The following ZNF608 variants were observed in gnomAD, a reference collection of about 807,000 sequenced individuals.
ZNF608 encodes the protein renal carcinoma antigen NY-REN-36.
Under a neutral mutation model 109.0 loss-of-function variants are expected in ZNF608, and 12 were observed. That is an observed-to-expected ratio of 0.11 (90% CI 0.07 to 0.18). The LOEUF (loss-of-function observed/expected upper bound fraction) is 0.18, where lower values mean the gene tolerates loss of function less well. Among genes scored for constraint, ZNF608 ranks in the 10% least tolerant of loss-of-function variants. ZNF608 has a pLI of 1.00. For missense variants in ZNF608, 1,707 were observed against 1,879.3 expected, an observed-to-expected ratio of 0.91 and a Z score of 1.70; for synonymous variants, 732 against 717.4, an observed-to-expected ratio of 1.02 and a Z score of -0.33.
chr5:124,661,355 A>G (rs7731056), intron 3 of ZNF608, among the ~76,000 whole-genome samples: 103,388 of 151,944 alleles, frequency 0.68, 35,702 homozygotes, highest in African/African-American at 0.79. Context: ...GCAGATGGAC[A>G]GAGCAGGTTA....
chr5:124,706,028 T>C (rs1753245637), intron 2 of ZNF608, among the ~76,000 whole-genome samples: 1 of 152,222 alleles, frequency 6.6e-6, no homozygotes, highest in African/African-American at 2.4e-5. Context: ...TGGGCAAGAC[T>C]GTGACACTGG....
chr5:124,672,841 G>A (rs968637465), intron 3 of ZNF608, among the ~76,000 whole-genome samples: 2 of 152,194 alleles, frequency 1.3e-5, no homozygotes, highest in Non-Finnish European at 2.9e-5. Flanking sequence ...TTCAGAGGAA[G>A]TCCAGAGAAA....
rs764846523 is a variant in ZNF608, at chr5:124,744,794, C to T, written c.196G>A (p.Gly66Arg). The change falls in exon 2 of 10, where the codon GGA becomes AGA. Residue 66 changes from glycine (G) to arginine (R), a missense_variant. Physicochemically the swap from Gly to Arg is moderately radical, Grantham distance 125. Around this residue, in one of 7 missense-constraint regions of ZNF608, gnomAD observed 407 missense variants for 398.7 expected, o/e 1.02. Coordinates refer to ENST00000513986, the MANE Select transcript of ZNF608 (RefSeq NM_020747.3). The surrounding 1 kb of genome is among the most constrained non-coding windows in gnomAD (Gnocchi z 4.5). ...TTSSSNSKDC[G>R]GPASSGAGAT... ...CCAGCCCCACTGGAGGCCGGACCTC[C>T]ACAATCCTTGGAGTTGCTGCTACTA... is the stretch of plus-strand genomic sequence containing the variant. 8 of 1,614,122 alleles carry T rather than the reference C, an allele frequency of 5.0e-6. No individual in the cohort carries two copies. The highest frequency in any genetic ancestry group is 6.8e-6 in the Non-Finnish European group (8 of 1,180,052).
chr5:124,705,692 T>G (rs75186199), intron 2 of ZNF608, among the ~76,000 whole-genome samples: 4,149 of 152,280 alleles, frequency 0.027, 157 homozygotes, highest in African/African-American at 0.088. Context: ...AAGCTCAGCC[T>G]GGGGAAATAC....
Position 124,697,838 on chromosome 5 carries a change from C to T in ZNF608, c.1162+3176G>A, listed in dbSNP as rs149698044. Among the ~76,000 whole-genome samples the T allele has an allele frequency of 3.9e-5, 6 of 152,256 alleles. No individual in the cohort carries two copies. In the East Asian group the frequency reaches 9.6e-4, roughly 24 times the overall value. On this transcript the variant is annotated intron_variant, in intron 3 of 9. Coordinates refer to ENST00000513986, the MANE Select transcript of ZNF608 (RefSeq NM_020747.3). ...ATAAATCACAGTAATATTCAATATTCCCCCCAAAGAGTGCAGGCATGAACT... is the reference window on the plus strand; with the variant it reads ...ATAAATCACAGTAATATTCAATATTTCCCCCAAAGAGTGCAGGCATGAACT...
At position 124,639,111 on chromosome 5, in the gene ZNF608, T is replaced by G. The variant is rs200792204; in HGVS notation, c.4532+22A>C. On this transcript the variant is annotated intron_variant, in intron 9 of 9. Transcript: ENST00000513986. ...TAAGATATTTCTATCTACAACTAAT[T>G]AAAAATGTAGAGGATATTTACCTTC... 10 of 1,608,254 alleles carry G rather than the reference T, an allele frequency of 6.2e-6. 1 individual carries two copies. In the South Asian group the frequency reaches 8.8e-5, roughly 14 times the overall value.
chr5:124,669,548 T>A (rs899153329), intron 3 of ZNF608, among the ~76,000 whole-genome samples: 2 of 152,202 alleles, frequency 1.3e-5, no homozygotes, highest in Non-Finnish European at 2.9e-5. Context: ...CACTAGCTTA[T>A]TCCAAATGTT....
rs1580684530 is a variant in ZNF608 at position 124,716,117 on chromosome 5, T to G, written c.907-14848A>C. On this transcript the variant is annotated intron_variant, in intron 2 of 9. Transcript: ENST00000513986. Reference sequence around the variant, plus strand: ...GAGATCGCGCCACTGCACTCCAGCCTGGGCGACAGAGCGAGAATCCGTCTC... The same window carrying G: ...GAGATCGCGCCACTGCACTCCAGCCGGGGCGACAGAGCGAGAATCCGTCTC... Among the ~76,000 whole-genome samples the G allele has an allele frequency of 3.2e-5, 4 of 123,318 alleles. No individual in the cohort carries two copies. The South Asian group carries it at 1.0e-3, about 32-fold the overall frequency. The allele number at this position is 123,318 out of a possible 152,430, so 80.9% of individuals were successfully genotyped here. A position where few individuals can be genotyped will look rare whatever the true frequency, so the allele number is the denominator to read the frequency against.
chr5:124,745,091 A>G lies in ZNF608; in HGVS notation c.-102T>C, dbSNP rs1749590043. The G allele has an allele frequency of 1.4e-6, 2 of 1,464,282 alleles. No individual in the cohort carries two copies. Among genetic ancestry groups the G allele is most frequent in the African/African-American group, 2.9e-5 (2 of 70,012 alleles). The allele number at this position is 1,464,282 out of a possible 1,614,324, so 90.7% of individuals were successfully genotyped here. ...TGGGCTTTCTCTCAAAGAAAAAAAA[A>G]ATCTTCTAATCTTCCTCTTCTTTTT... On this transcript the variant is annotated 5_prime_UTR_variant, in exon 2 of 10. Coordinates refer to ENST00000513986, the MANE Select transcript of ZNF608 (RefSeq NM_020747.3).
Position 124,644,667 on chromosome 5 carries a change from T to A in ZNF608, c.3706-6A>T. ...CATGTTCTTGAATCTGGGTCCTGAT[T>A]TTTTTGTTTTAAAGAAAAAAAACCC... On this transcript the variant is annotated splice_polypyrimidine_tract_variant and splice_region_variant and intron_variant, in intron 5 of 9. Transcript: ENST00000513986. 6.5e-7 allele frequency: 1 copy of A among 1,528,722 alleles called. No homozygotes were observed. Among genetic ancestry groups the A allele is most frequent in the Non-Finnish European group, 8.8e-7 (1 of 1,140,836 alleles). 94.7% of individuals were successfully genotyped at this position (1,528,722 alleles called of 1,614,324 possible). A position where few individuals can be genotyped will look rare whatever the true frequency, so the allele number is the denominator to read the frequency against.
chr5:124,674,134 A>C (rs1751840991), intron 3 of ZNF608, among the ~76,000 whole-genome samples: 2 of 152,218 alleles, frequency 1.3e-5, no homozygotes, highest in African/African-American at 4.8e-5. Context: ...ATTCTCCTGT[A>C]GATTCTGGTG....
intron 3 of ZNF608, among the ~76,000 whole-genome samples, chr5:124,693,085 G>C (rs1752684246): frequency 2.0e-5 from 3 of 152,108 alleles, no homozygotes; most frequent in African/African-American, 7.2e-5. Flanking sequence ...CGGTGATGGT[G>C]GTACACCTCT....
intron 2 of ZNF608, among the ~76,000 whole-genome samples, chr5:124,726,195 C>G (rs918803855): frequency 6.6e-6 from 1 of 152,154 alleles, no homozygotes; most frequent in African/African-American, 2.4e-5. Context: ...TTTCTTCCCC[C>G]TCAATGGACA....
chr5:124,731,920 T>C (rs776705664), intron 2 of ZNF608, among the ~76,000 whole-genome samples: 2 of 152,110 alleles, frequency 1.3e-5, no homozygotes, highest in Non-Finnish European at 2.9e-5. Flanking sequence ...CAGGAAAGAA[T>C]CAGGAATGAG....
At chr5:124,694,387 A>G (rs1192069747) in intron 3 of ZNF608, among the ~76,000 whole-genome samples, 1 of 151,546 alleles carries the variant, frequency 6.6e-6, no homozygotes. Context: ...ATTTTTTTTC[A>G]TCAATGTACT....
At chr5:124,674,051 A>G (rs2149816438) in intron 3 of ZNF608, among the ~76,000 whole-genome samples, 1 of 152,348 alleles carries the variant, frequency 6.6e-6, no homozygotes, top group African/African-American at 2.4e-5. Context: ...TAGAAGTGGA[A>G]TATTTACTGG....
chr5:124,699,601 C>A (rs191317721), intron 3 of ZNF608, among the ~76,000 whole-genome samples: 2 of 152,174 alleles, frequency 1.3e-5, no homozygotes, highest in Non-Finnish European at 2.9e-5. Context: ...TTTATACTTA[C>A]CAGTGCTATC....
At chr5:124,724,541 A>ACCT (rs1349129105) in intron 2 of ZNF608, among the ~76,000 whole-genome samples, 20 of 145,226 alleles carry the variant, frequency 1.4e-4, no homozygotes, top group African/African-American at 1.8e-4. Flanking sequence ...TTATATTATT[A>ACCT]CCTCATCATT....
At position 124,641,344 on chromosome 5, in the gene ZNF608, G is replaced by T. The variant is rs752786168; in HGVS notation, c.4358C>A (p.Ser1453Tyr). 6.2e-7 allele frequency: 1 copy of T among 1,614,100 alleles called. No individual in the cohort carries two copies. Among genetic ancestry groups the T allele is most frequent in the Non-Finnish European group, 8.5e-7 (1 of 1,180,020 alleles). ...GTGCAGGTGCCGCTGGCCGAAGGGG[G>T]AGTGGCGATCCCTTTCCCTTTCTGC... ...REAERERDRH[S>Y]PFGQRHLHTH... Residue 1453 changes from serine (S) to tyrosine (Y), a missense_variant, in exon 8 of 10, where the codon TCC becomes TAC. By Grantham distance (144) the Ser-to-Tyr change is moderately radical. Around this residue, in one of 7 missense-constraint regions of ZNF608, gnomAD observed 1,073 missense variants for 1,133.5 expected, o/e 0.95. Transcript: ENST00000513986.
Sources: allele counts gnomAD v4.1 joint callset (sites outside exome capture counted in the v4.1 genomes callset), GRCh38; gene constraint gnomAD v4.1.1; regional missense constraint gnomAD v4.1.1; non-coding constraint Gnocchi (gnomAD v3.1); transcripts MANE v1.5; gene names NCBI Gene and HGNC (gene_info 2026-07-23, HGNC 2026-07-21).